Variants in ROBO1 observed in about 807,000 individuals in gnomAD.
ROBO1 encodes the protein roundabout homolog 1.
ROBO1 carries 149 observed loss-of-function variants against 195.9 expected under a neutral mutation model. The ratio of observed to expected loss-of-function variants is 0.76; its 90% CI spans 0.67 to 0.87. The LOEUF (loss-of-function observed/expected upper bound fraction) is 0.87, where lower values mean the gene tolerates loss of function less well. Ranked by LOEUF, ROBO1 falls within the 40% of genes least tolerant of loss-of-function variation. ROBO1 has a pLI of 0.00. For synonymous variants in ROBO1, 816 were observed against 733.2 expected (o/e 1.11, Z -1.82); for missense variants, 1,933 against 2,068.3 (o/e 0.93, Z 1.27).
chr3:78,750,634 T>A (rs527954828), intron 4 of ROBO1, among the ~76,000 whole-genome samples: 2 of 152,170 alleles, frequency 1.3e-5, no homozygotes, highest in Admixed American at 1.3e-4. Context: ...ATTCTAAAAT[T>A]CAGTGGTGTC....
rs2077718216 is a variant in ROBO1 at position 79,009,307 on chromosome 3, A to G, written c.173-70380T>C. Among the ~76,000 whole-genome samples the G allele has an allele frequency of 2.0e-5, 3 of 152,100 alleles. No homozygotes were observed. In the South Asian group the frequency reaches 6.2e-4, roughly 32 times the overall value. On this transcript the variant is annotated intron_variant, in intron 3 of 30. Coordinates refer to ENST00000464233, the MANE Select transcript of ROBO1 (RefSeq NM_002941.4). ...CCTTAATAAGAACCAAGTCTCAAATAAGGGAAGGTTTTAGACATGATACTG... is the reference window on the plus strand; with the variant it reads ...CCTTAATAAGAACCAAGTCTCAAATGAGGGAAGGTTTTAGACATGATACTG...
chr3:78,724,472 T>G (rs1023228971), intron 5 of ROBO1, among the ~76,000 whole-genome samples: 2 of 147,576 alleles, frequency 1.4e-5, no homozygotes, highest in East Asian at 4.0e-4. Flanking sequence ...GGTCAACAGT[T>G]TGAGACCAGC....
intron 2 of ROBO1, among the ~76,000 whole-genome samples, chr3:79,448,292 T>C (rs1204377139): frequency 6.6e-6 from 1 of 152,182 alleles, no homozygotes; most frequent in Non-Finnish European, 1.5e-5. Flanking sequence ...AATATAAGCA[T>C]AATTTCTAAA....
chr3:79,410,675 A>G (rs914144569), intron 2 of ROBO1, among the ~76,000 whole-genome samples: 3 of 151,942 alleles, frequency 2.0e-5, no homozygotes, highest in African/African-American at 7.2e-5. Flanking sequence ...AGAAAGAAAG[A>G]AAAAGAAAGG....
Position 79,191,852 on chromosome 3 carries a change from T to G in ROBO1, c.89-66313A>C, listed in dbSNP as rs141793350. 2.7e-3 allele frequency among the ~76,000 whole-genome samples: 411 copies of G among 151,592 alleles called. 2 individuals are homozygous for G. Among genetic ancestry groups the G allele is most frequent in the African/African-American group, 9.3e-3 (386 of 41,454 alleles). On this transcript the variant is annotated intron_variant, in intron 2 of 30. Coordinates refer to ENST00000464233, the MANE Select transcript of ROBO1 (RefSeq NM_002941.4). The stretch of plus-strand genomic sequence containing the variant: ...ACATCACATTATTTTAGTTTTAAGG[T>G]CTCTTGGTACAAGAATTTCTGTAAT...
At chr3:79,520,990 G>A (rs1392226692) in intron 2 of ROBO1, among the ~76,000 whole-genome samples, 1 of 152,146 alleles carries the variant, frequency 6.6e-6, no homozygotes, top group African/African-American at 2.4e-5. Flanking sequence ...ACAACTCAGT[G>A]TTAAAGAGAA....
At chr3:79,098,886 C>T (rs1470550783) in intron 3 of ROBO1, among the ~76,000 whole-genome samples, 1 of 151,676 alleles carries the variant, frequency 6.6e-6, no homozygotes, top group Non-Finnish European at 1.5e-5. Context: ...AAGGTCTGGT[C>T]TTACAATTTT....
intron 3 of ROBO1, among the ~76,000 whole-genome samples, chr3:79,051,314 G>T (rs756687190): frequency 1.3e-5 from 2 of 152,156 alleles, no homozygotes; most frequent in Non-Finnish European, 2.9e-5. Context: ...TAGAAGAAAT[G>T]GATAAATTCC....
chr3:79,453,240 C>T (rs1437374177), intron 2 of ROBO1, among the ~76,000 whole-genome samples: 1 of 152,026 alleles, frequency 6.6e-6, no homozygotes, highest in East Asian at 1.9e-4. Context: ...TCAGACTAAG[C>T]AACACCTGAG....
intron 4 of ROBO1, among the ~76,000 whole-genome samples, chr3:78,779,088 C>A (rs1482728181): frequency 6.6e-6 from 1 of 152,006 alleles, no homozygotes; most frequent in Non-Finnish European, 1.5e-5. Flanking sequence ...TTCCTTACAC[C>A]TTATACAAAA....
At chr3:79,352,296 C>A (rs1447032958) in intron 2 of ROBO1, among the ~76,000 whole-genome samples, 1 of 151,974 alleles carries the variant, frequency 6.6e-6, no homozygotes, top group African/African-American at 2.4e-5. Context: ...CTTATTTTTT[C>A]TTTTTAACTT....
intron 3 of ROBO1, among the ~76,000 whole-genome samples, chr3:79,053,692 T>A (rs1205034869): frequency 2.0e-5 from 3 of 151,972 alleles, no homozygotes; most frequent in Non-Finnish European, 2.9e-5. Flanking sequence ...TCTCACACTG[T>A]CATTCTGCTC....
intron 2 of ROBO1, among the ~76,000 whole-genome samples, chr3:79,289,161 T>C (rs1361009586): frequency 6.6e-6 from 1 of 152,006 alleles, no homozygotes; most frequent in East Asian, 1.9e-4. Flanking sequence ...AGTACAAAGA[T>C]ACATTAAAAA....
intron 2 of ROBO1, among the ~76,000 whole-genome samples, chr3:79,277,744 T>C (rs1477995383): frequency 6.6e-6 from 1 of 151,724 alleles, no homozygotes; most frequent in African/African-American, 2.4e-5. Context: ...CCCATAAATA[T>C]ATACAACTAC....
intron 4 of ROBO1, among the ~76,000 whole-genome samples, chr3:78,912,301 T>C (rs533681354): frequency 1.3e-5 from 2 of 152,192 alleles, no homozygotes; most frequent in African/African-American, 4.8e-5. Flanking sequence ...TTTTAAATTA[T>C]ACTAATAAGC....
At chr3:78,865,502 CGTT>C (rs2035115242) in intron 4 of ROBO1, among the ~76,000 whole-genome samples, 1 of 142,044 alleles carries the variant, frequency 7.0e-6, no homozygotes, top group South Asian at 2.3e-4. Context: ...GATGGAGTCT[CGTT>C]GTGTCGCCCA....
intron 1 of ROBO1, among the ~76,000 whole-genome samples, chr3:79,715,381 G>A (rs551759320): frequency 5.3e-5 from 8 of 152,140 alleles, no homozygotes; most frequent in South Asian, 2.1e-4. Context: ...CCCAACCTTC[G>A]GCAACCATCA....
At chr3:78,640,906 G>A (rs1236749562) in intron 21 of ROBO1, among the ~76,000 whole-genome samples, 1 of 152,112 alleles carries the variant, frequency 6.6e-6, no homozygotes, top group African/African-American at 2.4e-5. Flanking sequence ...CAAGAAATCT[G>A]ATATTTCACC....
At chr3:78,750,268 A>C (rs1165242124) in intron 4 of ROBO1, among the ~76,000 whole-genome samples, 2 of 151,988 alleles carry the variant, frequency 1.3e-5, no homozygotes, top group East Asian at 3.9e-4. Flanking sequence ...CCTGGATAAC[A>C]AGGTGAAACC....
Sources: allele counts gnomAD v4.1 joint callset (sites outside exome capture counted in the v4.1 genomes callset), GRCh38; gene constraint gnomAD v4.1.1; transcripts MANE v1.5; gene names NCBI Gene and HGNC (gene_info 2026-07-23, HGNC 2026-07-21).